The following TF variants were observed in gnomAD, a reference collection of about 807,000 sequenced individuals.
TF encodes the protein serotransferrin.
In TF, 55 loss-of-function variants were observed where a neutral mutation model predicts 82.4. The ratio of observed to expected loss-of-function variants is 0.67; its 90% CI spans 0.54 to 0.84. The LOEUF is 0.84. Ranked by LOEUF, TF falls within the 40% of genes least tolerant of loss-of-function variation. TF has a pLI of 0.00. For missense variants in TF, 737 were observed against 868.4 expected (o/e 0.85, Z 1.90); for synonymous variants, 332 against 332.6 (o/e 1.00, Z 0.02).
chr3:133,787,995 G>A lies in TF; in HGVS notation c.*9375G>A, dbSNP rs572468400. 2 of 152,318 alleles carry A rather than the reference G, an allele frequency of 1.3e-5. No homozygotes were observed. Among genetic ancestry groups the A allele is most frequent in the Admixed American group, 1.3e-4 (2 of 15,306 alleles). 9.4% of individuals were successfully genotyped at this position (152,318 alleles called of 1,614,324 possible). A position where few individuals can be genotyped will look rare whatever the true frequency, so the allele number is the denominator to read the frequency against. On this transcript the variant is annotated 3_prime_UTR_variant, in exon 17 of 17. Coordinates refer to ENST00000402696, the MANE Select transcript of TF (RefSeq NM_001063.4). ...CCATATCCACCAGGTTGGTGGTGCA[G>A]AGGAGCTGGAAGAAATGAAGGATTC...
At chr3:133,763,404 A>G (rs764647250) in intron 9 of TF, among the ~76,000 whole-genome samples, 4 of 152,240 alleles carry the variant, frequency 2.6e-5, no homozygotes, top group Non-Finnish European at 5.9e-5. Context: ...GAAAAAAATG[A>G]TATTTTAAGA....
rs1334381126 is a variant in TF, at chr3:133,789,872, C to A, written c.*11252C>A. On this transcript the variant is annotated 3_prime_UTR_variant, in exon 17 of 17. Transcript: ENST00000402696. Reference sequence around the variant, plus strand: ...AAACCCAGCCAAAACAAAACGATCTCGTTTGCGTTTTTTTTTTTTTTTTTT... The same window carrying A: ...AAACCCAGCCAAAACAAAACGATCTAGTTTGCGTTTTTTTTTTTTTTTTTT... The A allele has an allele frequency of 1.0e-5, 1 of 97,556 alleles. No individual in the cohort carries two copies. Among genetic ancestry groups the A allele is most frequent in the Non-Finnish European group, 1.9e-5 (1 of 51,410 alleles). The allele number at this position is 97,556 out of a possible 1,614,324, so 6.0% of individuals were successfully genotyped here.
chr3:133,728,455 A>T, the TF span, among the ~76,000 whole-genome samples: 2 of 151,916 alleles, frequency 1.3e-5, no homozygotes, highest in Non-Finnish European at 2.9e-5. Flanking sequence ...TCAGCTCCTG[A>T]GGCTTCTGCA....
At position 133,777,169 on chromosome 3, in the gene TF, A is replaced by G; in HGVS notation, c.1993A>G (p.Thr665Ala). Residue 665 changes from threonine to alanine, a missense_variant, in exon 16 of 17, where the codon ACA becomes GCA. Coordinates refer to ENST00000402696, the MANE Select transcript of TF (RefSeq NM_001063.4). The part of the protein sequence containing the change: ...VCLAKLHDRN[T>A]YEKYLGEEYV... ...TTTGGCCAAACTTCATGACAGAAAC[A>G]CATATGAAAAATACTTAGGAGAAGA... 1.2e-6 allele frequency: 2 copies of G among 1,614,130 alleles called. No homozygotes were observed. Among genetic ancestry groups the G allele is most frequent in the South Asian group, 1.1e-5 (1 of 91,088 alleles).
At chr3:133,699,269 C>T in the TF span, among the ~76,000 whole-genome samples, 1 of 152,228 alleles carries the variant, frequency 6.6e-6, no homozygotes, top group African/African-American at 2.4e-5. Context: ...GATTGTGAAC[C>T]AGCTGTTTCA....
chr3:133,709,883 C>T, the TF span, among the ~76,000 whole-genome samples: 1 of 152,234 alleles, frequency 6.6e-6, no homozygotes, highest in East Asian at 1.9e-4. Flanking sequence ...GCCCAAAGGG[C>T]AGATCTCAGG....
At chr3:133,775,253 T>C in intron 14 of TF, 180 bp from the exon 15 acceptor site, 1 of 668,386 alleles carries the variant, frequency 1.5e-6, no homozygotes. Context: ...ACTGTGAGTC[T>C]GGCATCACCT....
the TF span, among the ~76,000 whole-genome samples, chr3:133,722,412 G>A: frequency 0.017 from 2,644 of 151,946 alleles, 79 homozygotes; most frequent in African/African-American, 0.06. Context: ...ACATTCAAAG[G>A]CTGTTACTGA....
chr3:133,675,642 C>T, the TF span, among the ~76,000 whole-genome samples: 1 of 152,174 alleles, frequency 6.6e-6, no homozygotes. Flanking sequence ...AATTAGCCTT[C>T]GAGTCACAGC....
chr3:133,787,301 G>T lies in TF; in HGVS notation c.*8681G>T, dbSNP rs1246689708. On this transcript the variant is annotated 3_prime_UTR_variant, in exon 17 of 17. Coordinates refer to ENST00000402696, the MANE Select transcript of TF (RefSeq NM_001063.4). ...GTAAATGATTTTTGGGTATGAATTT[G>T]TTCAGCCATCTCTAAGCGTTACACA... The T allele has an allele frequency of 6.6e-6, 1 of 152,172 alleles. No homozygotes were observed. Among genetic ancestry groups the T allele is most frequent in the Non-Finnish European group, 1.5e-5 (1 of 68,016 alleles). 9.4% of individuals were successfully genotyped at this position (152,172 alleles called of 1,614,324 possible).
the TF span, chr3:133,704,432 T>C: frequency 1.2e-5 from 2 of 162,570 alleles, no homozygotes; most frequent in African/African-American, 4.7e-5. Context: ...ATTGTTGGAA[T>C]GTATGGAGCT....
chr3:133,767,836 A>C (rs1331269593), intron 12 of TF, among the ~76,000 whole-genome samples, 193 bp from the exon 13 acceptor site: 1 of 152,228 alleles, frequency 6.6e-6, no homozygotes, highest in African/African-American at 2.4e-5. Flanking sequence ...AATGGTCATT[A>C]ACTCCTTTTC....
rs1027267125 is a variant in TF at position 133,784,795 on chromosome 3, T to C, written c.*6175T>C. The stretch of plus-strand genomic sequence containing the variant: ...TTGGGGACCACTGGGTTAGAGGACA[T>C]GGGGCAGAAGACCTGAGAAGGAAGA... On this transcript the variant is annotated 3_prime_UTR_variant, in exon 17 of 17. Transcript: ENST00000402696. 3 of 152,258 alleles carry C rather than the reference T, an allele frequency of 2.0e-5. No homozygotes were observed. The highest frequency in any genetic ancestry group is 7.2e-5 in the African/African-American group (3 of 41,454). 9.4% of individuals were successfully genotyped at this position (152,258 alleles called of 1,614,324 possible). A position where few individuals can be genotyped will look rare whatever the true frequency, so the allele number is the denominator to read the frequency against.
At chr3:133,765,223 T>C (rs1349116025) in intron 11 of TF, among the ~76,000 whole-genome samples, 2 of 152,202 alleles carry the variant, frequency 1.3e-5, no homozygotes, top group Admixed American at 6.5e-5. Flanking sequence ...ATCCAGGTCT[T>C]TCCCACTGAT....
At chr3:133,757,415 G>A (rs543534494) in intron 7 of TF, among the ~76,000 whole-genome samples, 5 of 152,240 alleles carry the variant, frequency 3.3e-5, no homozygotes, top group Non-Finnish European at 7.3e-5. Flanking sequence ...CCCAAGAGCT[G>A]TGTGATTTGG....
chr3:133,760,474 G>C (rs746293804), intron 9 of TF: 1 of 154,320 alleles, frequency 6.5e-6, no homozygotes, highest in African/African-American at 2.4e-5. Flanking sequence ...TTAAAGCAAA[G>C]CCTACAAATT....
chr3:133,728,319 A>G, the TF span, among the ~76,000 whole-genome samples: 1 of 152,168 alleles, frequency 6.6e-6, no homozygotes, highest in East Asian at 1.9e-4. Context: ...GTCTGTTCAC[A>G]TAGTCCCATA....
chr3:133,666,929 G>A, the TF span, among the ~76,000 whole-genome samples: 3 of 152,074 alleles, frequency 2.0e-5, no homozygotes, highest in South Asian at 2.1e-4. Context: ...CCAGCTACTC[G>A]GGAGGCTGAG....
chr3:133,669,347 C>T, the TF span, among the ~76,000 whole-genome samples: 1 of 152,166 alleles, frequency 6.6e-6, no homozygotes, highest in Non-Finnish European at 1.5e-5. Context: ...TCAAATAAAA[C>T]ATCTGAGAAG....
Sources: allele counts gnomAD v4.1 joint callset (sites outside exome capture counted in the v4.1 genomes callset), GRCh38; gene constraint gnomAD v4.1.1; transcripts MANE v1.5; gene names NCBI Gene and HGNC (gene_info 2026-07-23, HGNC 2026-07-21).